The following IMMP1L variants were observed in gnomAD, a reference collection of about 807,000 sequenced individuals.
The protein encoded by IMMP1L is mitochondrial inner membrane protease subunit 1.
A neutral mutation model predicts 21.8 loss-of-function variants in IMMP1L; 24 were observed. That is an observed-to-expected ratio of 1.10 (90% CI 0.80 to 1.55). The LOEUF (loss-of-function observed/expected upper bound fraction) is 1.55. Ranked by LOEUF, IMMP1L falls within the 40% of genes most tolerant of loss-of-function variation. The pLI, the probability that IMMP1L is intolerant of heterozygous loss-of-function variation, is 0.00. For missense variants in IMMP1L, 195 were observed against 200.7 expected (o/e 0.97, Z 0.17); for synonymous variants, 46 against 62.8 (o/e 0.73, Z 1.26).
At position 31,465,241 on chromosome 11, in the gene IMMP1L, C is replaced by T. The variant is rs564265314; in HGVS notation, c.-29-1936G>A. Among the ~76,000 whole-genome samples the T allele has an allele frequency of 5.3e-5, 8 of 151,926 alleles. No individual in the cohort carries two copies. In the South Asian group the frequency reaches 1.5e-3, roughly 28 times the overall value. ...AAATATAACTAGGAATAATTTTACC[C>T]AAGGAGGTGAAAGACCTCTACAATG... is the stretch of plus-strand genomic sequence containing the variant. On this transcript the variant is annotated intron_variant, in intron 1 of 5. Transcript: ENST00000532287.
intron 5 of IMMP1L, among the ~76,000 whole-genome samples, chr11:31,432,874 A>G (rs1215402945): frequency 2.0e-5 from 3 of 152,306 alleles, no homozygotes; most frequent in African/African-American, 7.2e-5. Flanking sequence ...AGTAAGAGTT[A>G]ACTGTGTACT....
At chr11:31,460,045 CT>C (rs1488653774) in intron 3 of IMMP1L, among the ~76,000 whole-genome samples, 1 of 151,938 alleles carries the variant, frequency 6.6e-6, no homozygotes, top group Non-Finnish European at 1.5e-5. Flanking sequence ...GTAGTCACAG[CT>C]ACTTGGGAGA....
intron 1 of IMMP1L, among the ~76,000 whole-genome samples, chr11:31,465,455 A>G (rs1006769575): frequency 6.6e-6 from 1 of 152,134 alleles, no homozygotes; most frequent in Non-Finnish European, 1.5e-5. Context: ...AACAATCCTA[A>G]AATTCATACA....
At chr11:31,479,800 C>A (rs529895402) in intron 1 of IMMP1L, among the ~76,000 whole-genome samples, 1 of 152,032 alleles carries the variant, frequency 6.6e-6, no homozygotes, top group Non-Finnish European at 1.5e-5. Context: ...TGTTCCTAAG[C>A]CAAATGAAAT....
intron 4 of IMMP1L, chr11:31,452,654 A>G (rs1207028982): frequency 1.0e-6 from 1 of 986,332 alleles, no homozygotes; most frequent in African/African-American, 1.7e-5. Flanking sequence ...TTAATCTCAT[A>G]TCTTTACAGT....
At chr11:31,460,781 G>T in intron 2 of IMMP1L, 67 bp from the exon 3 acceptor site, 1 of 1,116,532 alleles carries the variant, frequency 9.0e-7, no homozygotes, top group East Asian at 2.5e-5. Flanking sequence ...AATCTTTTAA[G>T]CAAGCTTAAA....
rs572525511 is a variant in IMMP1L at position 31,444,605 on chromosome 11, T to C, written c.322-11035A>G. ...TTTCTATTCTTTTTTTTTTTTTTTT[T>C]CTGAGACAGAGTCTTGCTCTGTTGC... On this transcript the variant is annotated intron_variant, in intron 4 of 5. Transcript: ENST00000532287. Among the ~76,000 whole-genome samples the C allele has an allele frequency of 8.6e-5, 13 of 151,038 alleles. No individual in the cohort carries two copies. The South Asian group carries it at 1.1e-3, about 12-fold the overall frequency.
At chr11:31,471,845 T>C (rs992850539) in intron 1 of IMMP1L, among the ~76,000 whole-genome samples, 5 of 152,184 alleles carry the variant, frequency 3.3e-5, no homozygotes, top group African/African-American at 1.2e-4. Context: ...ATTTATAATC[T>C]TACAGTTGAT....
intron 4 of IMMP1L, among the ~76,000 whole-genome samples, chr11:31,447,773 T>G (rs1953580663): frequency 2.0e-5 from 3 of 152,244 alleles, no homozygotes; most frequent in African/African-American, 7.2e-5. Context: ...CTTTAGCCAT[T>G]TTATAATATG....
intron 1 of IMMP1L, among the ~76,000 whole-genome samples, chr11:31,507,061 C>T (rs999382969): frequency 2.0e-5 from 3 of 152,076 alleles, no homozygotes; most frequent in Admixed American, 2.0e-4. Flanking sequence ...GGGCGGATCA[C>T]GAGGTCAGGA....
chr11:31,434,120 G>A (rs1474031612), intron 4 of IMMP1L, among the ~76,000 whole-genome samples: 1 of 152,066 alleles, frequency 6.6e-6, no homozygotes, highest in Admixed American at 6.6e-5. Flanking sequence ...TTCTGCCTTT[G>A]TACAGGCCAT....
intron 1 of IMMP1L, among the ~76,000 whole-genome samples, chr11:31,499,018 T>C (rs1054830069): frequency 6.6e-6 from 1 of 152,186 alleles, no homozygotes; most frequent in Non-Finnish European, 1.5e-5. Context: ...ATATCATGCC[T>C]AAATGGGATT....
intron 3 of IMMP1L, 55 bp downstream of exon 3, chr11:31,460,571 C>A: frequency 1.9e-6 from 2 of 1,074,180 alleles, no homozygotes; most frequent in South Asian, 1.3e-5. Flanking sequence ...AGAAAAGCCA[C>A]AATGTGTGTG....
chr11:31,465,426 AT>A (rs1260312738), intron 1 of IMMP1L, among the ~76,000 whole-genome samples: 2 of 152,108 alleles, frequency 1.3e-5, no homozygotes, highest in Non-Finnish European at 2.9e-5. Flanking sequence ...TACCAAAGTC[AT>A]TTTTCACAGA....
intron 1 of IMMP1L, among the ~76,000 whole-genome samples, chr11:31,500,791 T>C (rs1332148471): frequency 6.6e-6 from 1 of 152,212 alleles, no homozygotes; most frequent in Non-Finnish European, 1.5e-5. Context: ...AAAGTTTTAC[T>C]GGGACAAAGT....
chr11:31,501,485 C>A (rs531363856), intron 1 of IMMP1L, among the ~76,000 whole-genome samples: 88 of 152,296 alleles, frequency 5.8e-4, no homozygotes, highest in Non-Finnish European at 1.0e-3. Flanking sequence ...TCGCTGGATA[C>A]CAGCCCCTCA....
intron 1 of IMMP1L, among the ~76,000 whole-genome samples, chr11:31,485,806 C>T (rs578148013): frequency 2.0e-5 from 3 of 151,966 alleles, no homozygotes; most frequent in African/African-American, 7.2e-5. Context: ...CAGTCCAACA[C>T]AGCATAGAAT....
At chr11:31,472,751 G>C (rs1187659168) in intron 1 of IMMP1L, among the ~76,000 whole-genome samples, 1 of 152,150 alleles carries the variant, frequency 6.6e-6, no homozygotes, top group Non-Finnish European at 1.5e-5. Context: ...AAGAAGTATA[G>C]GAGGATCCTC....
intron 1 of IMMP1L, among the ~76,000 whole-genome samples, chr11:31,499,906 A>G (rs988115667): frequency 6.6e-6 from 1 of 151,558 alleles, no homozygotes; most frequent in Non-Finnish European, 1.5e-5. Flanking sequence ...AGGGGTTCTG[A>G]GCTAAAATCA....
Sources: gnomAD v4.1 joint callset for allele counts (sites outside exome capture counted in the v4.1 genomes callset) on GRCh38, gnomAD v4.1.1 for gene constraint, MANE v1.5 for transcripts, NCBI Gene and HGNC (gene_info 2026-07-23, HGNC 2026-07-21) for gene names.